Variants in ATP6V1G3 observed in about 807,000 individuals in gnomAD.
ATP6V1G3 encodes the protein V-type proton ATPase subunit G 3.
Under a neutral mutation model 9.3 loss-of-function variants are expected in ATP6V1G3, and 9 were observed. The ratio of observed to expected loss-of-function variants is 0.97; its 90% CI spans 0.59 to 1.69. ATP6V1G3 has a LOEUF of 1.69. Among genes scored for constraint, ATP6V1G3 ranks in the 40% most tolerant of loss-of-function variants. The probability of loss-of-function intolerance (pLI) is 0.00; values close to 1 mark genes in which losing one functional copy is unlikely to be tolerated. For missense variants in ATP6V1G3, 133 were observed against 139.0 expected, an observed-to-expected ratio of 0.96 and a Z score of 0.22; for synonymous variants, 43 against 43.8, an observed-to-expected ratio of 0.98 and a Z score of 0.07.
At chr1:198,536,680 A>G in intron 1 of ATP6V1G3, 1 of 1,601,348 alleles carries the variant, frequency 6.2e-7, no homozygotes. Context: ...TCATCTTACC[A>G]GAAGCAGTCC....
rs540586963 is a variant in ATP6V1G3 at position 198,537,460 on chromosome 1, G to T, written c.82+3109C>A. Among the ~76,000 whole-genome samples, 5 of 151,870 alleles carry T rather than the reference G, an allele frequency of 3.3e-5. No homozygotes were observed. The South Asian group carries it at 1.0e-3, about 32-fold the overall frequency. ...TAAAAATAATACACTCAAGAGTCTT[G>T]TTCTAGCACTTTATGCCCAAGTTTC... On this transcript the variant is annotated intron_variant, in intron 1 of 2. Transcript: ENST00000367382.
chr1:198,523,701 A>G (rs753891422), intron 2 of ATP6V1G3, 137 bp from the exon 3 acceptor site: 11 of 752,578 alleles, frequency 1.5e-5, no homozygotes, highest in African/African-American at 3.6e-5. Context: ...CAGAGAACCA[A>G]CAAGATCATC....
intron 1 of ATP6V1G3, among the ~76,000 whole-genome samples, chr1:198,531,677 G>T (rs1659904139): frequency 1.3e-5 from 2 of 152,042 alleles, no homozygotes; most frequent in Admixed American, 1.3e-4. Context: ...TGCTAAATTT[G>T]TTCTAGGCTC....
chr1:198,523,321 A>G lies in ATP6V1G3; in HGVS notation c.*70T>C, dbSNP rs1221460042. On this transcript the variant is annotated 3_prime_UTR_variant, in exon 3 of 3. Coordinates refer to ENST00000367382, the MANE Select transcript of ATP6V1G3 (RefSeq NM_001376861.1). ...TCTCATTTCAAATTTCTCAACATAAAAATACGAAGCCATAAGCAACCAGGT... is the reference window on the plus strand; with the variant it reads ...TCTCATTTCAAATTTCTCAACATAAGAATACGAAGCCATAAGCAACCAGGT... 1.4e-5 allele frequency: 21 copies of G among 1,451,772 alleles called. No homozygotes were observed. In the African/African-American group the frequency reaches 2.9e-4, roughly 20 times the overall value. 89.9% of individuals were successfully genotyped at this position (1,451,772 alleles called of 1,614,324 possible).
At chr1:198,530,143 A>G (rs1174024600) in intron 1 of ATP6V1G3, among the ~76,000 whole-genome samples, 1 of 152,038 alleles carries the variant, frequency 6.6e-6, no homozygotes, top group African/African-American at 2.4e-5. Flanking sequence ...CTATGAATCT[A>G]TTGTCTTTCA....
At chr1:198,529,454 C>A (rs1478261815) in intron 1 of ATP6V1G3, among the ~76,000 whole-genome samples, 3 of 151,696 alleles carry the variant, frequency 2.0e-5, no homozygotes, top group African/African-American at 7.3e-5. Flanking sequence ...ACGTAAATGA[C>A]AACTTTTTTT....
chr1:198,529,193 CA>C lies in ATP6V1G3; in HGVS notation c.83-13del. ...TCGCTTTCCTTTTCCTGAAAATTAA[CA>C]AATATATATATATATATATATAATT... On this transcript the variant is annotated splice_polypyrimidine_tract_variant and intron_variant, in intron 1 of 2. Coordinates refer to ENST00000367382, the MANE Select transcript of ATP6V1G3 (RefSeq NM_001376861.1). 1.5e-6 allele frequency: 1 copy of C among 669,830 alleles called. No individual in the cohort carries two copies. Among genetic ancestry groups the C allele is most frequent in the Non-Finnish European group, 2.1e-6 (1 of 465,378 alleles). The allele number at this position is 669,830 out of a possible 1,614,324, so 41.5% of individuals were successfully genotyped here. A position where few individuals can be genotyped will look rare whatever the true frequency, so the allele number is the denominator to read the frequency against.
chr1:198,536,629 C>CTGTAATCAGTGAATCAG, intron 1 of ATP6V1G3: 1 of 1,467,316 alleles, frequency 6.8e-7, no homozygotes, highest in Non-Finnish European at 9.4e-7. Context: ...TAAATATAAC[C>CTGTAATCAGTGAATCAG]TGTAATCAGT....
intron 1 of ATP6V1G3, among the ~76,000 whole-genome samples, chr1:198,529,748 T>A (rs1474296987): frequency 6.6e-6 from 1 of 152,174 alleles, no homozygotes; most frequent in African/African-American, 2.4e-5. Context: ...CTACAATGTC[T>A]GATTAAGCCT....
chr1:198,535,118 A>C (rs1278011047), intron 1 of ATP6V1G3, among the ~76,000 whole-genome samples: 1 of 152,162 alleles, frequency 6.6e-6, no homozygotes, highest in African/African-American at 2.4e-5. Context: ...AATGCTATTA[A>C]TAGATGAAAA....
chr1:198,532,925 A>G (rs1004443801), intron 1 of ATP6V1G3, among the ~76,000 whole-genome samples: 4 of 152,168 alleles, frequency 2.6e-5, no homozygotes, highest in Admixed American at 1.3e-4. Flanking sequence ...TTGATCTCAC[A>G]GGGCACGGTA....
chr1:198,540,753 C>G, upstream of ATP6V1G3: 1 of 1,233,582 alleles, frequency 8.1e-7, no homozygotes, highest in Non-Finnish European at 1.2e-6. Context: ...GTGTCAACAG[C>G]AAGTTCCAAA....
At chr1:198,526,860 T>A (rs1046490797) in intron 2 of ATP6V1G3, among the ~76,000 whole-genome samples, 1 of 152,200 alleles carries the variant, frequency 6.6e-6, no homozygotes, top group Non-Finnish European at 1.5e-5. Context: ...ATCTGACTTT[T>A]ACTTGTATTA....
Position 198,523,568 on chromosome 1 carries a change from CCAAAA to C in ATP6V1G3, c.184-9_184-5del. On this transcript the variant is annotated splice_region_variant and splice_polypyrimidine_tract_variant and intron_variant, in intron 2 of 2. Transcript: ENST00000367382. ...GATTATTCTGAGAGCCCATTATCTA[CCAAAA>C]CAAAACAGACAGAATTCACATCATA... The C allele has an allele frequency of 6.2e-7, 1 of 1,609,210 alleles. No individual in the cohort carries two copies. The highest frequency in any genetic ancestry group is 8.5e-7 in the Non-Finnish European group (1 of 1,178,180).
At chr1:198,539,052 A>G (rs1660243324) in intron 1 of ATP6V1G3, among the ~76,000 whole-genome samples, 1 of 152,206 alleles carries the variant, frequency 6.6e-6, no homozygotes, top group Non-Finnish European at 1.5e-5. Context: ...TTCGTTGTAG[A>G]AAAAGAAATT....
At position 198,523,516 on chromosome 1, in the gene ATP6V1G3, G is replaced by T. The variant is rs1266446644; in HGVS notation, c.232C>A (p.Leu78Ile). The change falls in exon 3 of 3, where the codon CTA (leucine) becomes ATA (isoleucine). Residue 78 changes from leucine to isoleucine, a missense_variant. Leu to Ile is a conservative substitution (Grantham distance 5). Transcript: ENST00000367382. ...CCATTAAGTTCTTGTATCTTCCCTA[G>T]TGTTTGTTCTTCTATTTCATCTGAG... ...NLSDEIEEQT[L>I]GKIQELNGHY... is the part of the protein sequence containing the mutation. 4.3e-6 allele frequency: 7 copies of T among 1,613,364 alleles called. No homozygotes were observed. The highest frequency in any genetic ancestry group is 5.9e-6 in the Non-Finnish European group (7 of 1,179,704).
At chr1:198,535,620 TTAAAA>T (rs1660079727) in intron 1 of ATP6V1G3, among the ~76,000 whole-genome samples, 1 of 152,144 alleles carries the variant, frequency 6.6e-6, no homozygotes, top group Non-Finnish European at 1.5e-5. Context: ...TTATTGGATA[TTAAAA>T]TAATATTAAC....
chr1:198,532,103 T>C (rs1659924155), intron 1 of ATP6V1G3, among the ~76,000 whole-genome samples: 2 of 151,886 alleles, frequency 1.3e-5, no homozygotes, highest in Admixed American at 6.6e-5. Context: ...GGAGACAAAA[T>C]TGGGATGCAG....
chr1:198,540,482 G>T, intron 1 of ATP6V1G3, 87 bp downstream of exon 1: 1 of 1,403,016 alleles, frequency 7.1e-7, no homozygotes. Flanking sequence ...TTTGAAACAA[G>T]GTCTGCCTAA....
Sources: allele counts gnomAD v4.1 joint callset (sites outside exome capture counted in the v4.1 genomes callset), GRCh38; gene constraint gnomAD v4.1.1; transcripts MANE v1.5; gene names NCBI Gene and HGNC (gene_info 2026-07-23, HGNC 2026-07-21).